TNS3: variants seen among roughly 807,000 people sequenced by gnomAD.
TNS3 encodes tensin-3.
Under a neutral mutation model 140.9 loss-of-function variants are expected in TNS3, and 45 were observed. The ratio of observed to expected loss-of-function variants is 0.32; its 90% CI spans 0.25 to 0.41. The LOEUF (loss-of-function observed/expected upper bound fraction) is 0.41. Ranked by LOEUF, TNS3 falls within the 10% of genes least tolerant of loss-of-function variation. The probability of loss-of-function intolerance (pLI) is 1.00; values close to 1 mark genes in which losing one functional copy is unlikely to be tolerated. For missense variants in TNS3, 1,716 were observed against 1,906.7 expected (o/e 0.90, Z 1.86); for synonymous variants, 815 against 788.4 (o/e 1.03, Z -0.56).
chr7:47,369,191 G>C lies in TNS3; in HGVS notation c.1455C>G (p.His485Gln), dbSNP rs745634291. ...TDILDDEMPHHDLHSVDSLGT... is the reference protein window; with the variant it reads ...TDILDDEMPHQDLHSVDSLGT... The stretch of plus-strand genomic sequence containing the variant: ...CAAGGCTGTCCACACTGTGCAGGTC[G>C]TGGTGGGGCATCTCGTCATCCAGAA... The change falls in exon 17 of 31, where the codon CAC becomes CAG. Residue 485 changes from histidine (H) to glutamine (Q), a missense_variant. Physicochemically the swap from His to Gln is conservative, Grantham distance 24. This residue lies in a region of TNS3 where 1,163 missense variants were observed against 1,182.1 expected (regional missense o/e 0.98). Transcript: ENST00000311160. The C allele has an allele frequency of 1.2e-6, 2 of 1,613,856 alleles. No individual in the cohort carries two copies. The highest frequency in any genetic ancestry group is 1.7e-5 in the Admixed American group (1 of 60,000).
intron 1 of TNS3, among the ~76,000 whole-genome samples, chr7:47,541,948 C>CAAAAAAAAAAAA (rs11314197): frequency 3.8e-5 from 5 of 131,026 alleles, no homozygotes; most frequent in African/African-American, 1.4e-4. Context: ...GACTCCATCT[C>CAAAAAAAAAAAA]AAAAAAAAAA....
chr7:47,507,016 C>G, intron 2 of TNS3, 72 bp from the exon 3 acceptor site: 1 of 1,201,370 alleles, frequency 8.3e-7, no homozygotes, highest in Non-Finnish European at 1.1e-6. Flanking sequence ...ATCTTCAAAC[C>G]CTCTCAATCC....
intron 16 of TNS3, among the ~76,000 whole-genome samples, chr7:47,379,583 C>CTCTT (rs61378516): frequency 0.27 from 41,745 of 151,894 alleles, 6,393 homozygotes; most frequent in African/African-American, 0.42. Context: ...TGCCCTTTTC[C>CTCTT]TCTTTTTTTA....
chr7:47,302,294 C>T (rs1384879924), intron 22 of TNS3, 22 bp from the exon 23 acceptor site: 1 of 1,599,504 alleles, frequency 6.3e-7, no homozygotes, highest in East Asian at 2.2e-5. Context: ...AATTTAAAAA[C>T]AGTGACCATG....
intron 1 of TNS3, among the ~76,000 whole-genome samples, chr7:47,559,888 A>T (rs1429364702): frequency 6.6e-6 from 1 of 152,168 alleles, no homozygotes; most frequent in Non-Finnish European, 1.5e-5. Context: ...AGCCCTGATG[A>T]TCTGATGAAG....
At position 47,330,107 on chromosome 7, in the gene TNS3, C is replaced by G. The variant is rs148036077; in HGVS notation, c.2650+14648G>C. Among the ~76,000 whole-genome samples the G allele has an allele frequency of 3.5e-4, 53 of 152,280 alleles. 1 individual carries two copies. The highest frequency in any genetic ancestry group is 1.2e-3 in the African/African-American group (50 of 41,556). ...GGAAAAAACATTTAAAAATTCTTCC[C>G]GGACAGTCTGCTCCCCCCACCCAAA... On this transcript the variant is annotated intron_variant, in intron 20 of 30. Transcript: ENST00000311160.
chr7:47,451,442 G>A (rs966348846), intron 4 of TNS3, among the ~76,000 whole-genome samples: 14 of 152,102 alleles, frequency 9.2e-5, no homozygotes, highest in Admixed American at 1.3e-4. Context: ...TTAGCCGGGC[G>A]TGGTGGTATG....
Position 47,334,605 on chromosome 7 carries a change from C to CTTTTTTTT in TNS3, c.2650+10142_2650+10149dup, listed in dbSNP as rs386410072. On this transcript the variant is annotated intron_variant, in intron 20 of 30. Transcript: ENST00000311160. ...GCTGAGATGTATCAGAACCACGACT[C>CTTTTTTTT]TTTTTTTTTTTTTTTTTTTTGACAG... 1.7e-5 allele frequency among the ~76,000 whole-genome samples: 2 copies of CTTTTTTTT among 118,770 alleles called. 1 individual carries two copies. Among genetic ancestry groups the CTTTTTTTT allele is most frequent in the Non-Finnish European group, 3.4e-5 (2 of 59,430 alleles). The allele number at this position is 118,770 out of a possible 152,430, so 77.9% of individuals were successfully genotyped here. A position where few individuals can be genotyped will look rare whatever the true frequency, so the allele number is the denominator to read the frequency against.
intron 16 of TNS3, among the ~76,000 whole-genome samples, chr7:47,375,873 G>A (rs1791353429): frequency 1.3e-5 from 2 of 152,288 alleles, no homozygotes; most frequent in Middle Eastern, 3.4e-3. Context: ...AACAGAAGTT[G>A]GTTTGAAGCA....
At chr7:47,581,348 A>T (rs1784528670) in intron 1 of TNS3, 1 of 68,138 alleles carries the variant, frequency 1.5e-5, no homozygotes, top group African/African-American at 5.7e-5. Context: ...CCCCACCCCG[A>T]GGTCCCGTCC....
chr7:47,377,585 A>C (rs991366263), intron 16 of TNS3, among the ~76,000 whole-genome samples: 1 of 152,134 alleles, frequency 6.6e-6, no homozygotes, highest in Non-Finnish European at 1.5e-5. Context: ...ACTGCATGTA[A>C]ATTGCATCTC....
At chr7:47,459,736 A>G (rs776843701) in intron 4 of TNS3, among the ~76,000 whole-genome samples, 1 of 152,188 alleles carries the variant, frequency 6.6e-6, no homozygotes, top group Non-Finnish European at 1.5e-5. Flanking sequence ...TCTGTTCCAT[A>G]ATCAAGACCA....
intron 23 of TNS3, among the ~76,000 whole-genome samples, chr7:47,301,414 C>T (rs1169171822): frequency 6.6e-6 from 1 of 152,190 alleles, no homozygotes; most frequent in East Asian, 1.9e-4. Flanking sequence ...GTACGCTCAG[C>T]TGAGACACAG....
rs185693264 is a variant in TNS3, at chr7:47,338,496, T to C, written c.2650+6259A>G. 6.6e-5 allele frequency among the ~76,000 whole-genome samples: 10 copies of C among 152,310 alleles called. No homozygotes were observed. In the East Asian group the frequency reaches 1.9e-3, roughly 29 times the overall value. On this transcript the variant is annotated intron_variant, in intron 20 of 30. Coordinates refer to ENST00000311160, the MANE Select transcript of TNS3 (RefSeq NM_022748.12). ...CGTCCTCTTCAGTGACATGTCTCTTTTTTTCTTTGAACCATTTTCTAATTT... is the reference window on the plus strand; with the variant it reads ...CGTCCTCTTCAGTGACATGTCTCTTCTTTTCTTTGAACCATTTTCTAATTT...
chr7:47,441,373 T>C (rs1427360878), intron 5 of TNS3, among the ~76,000 whole-genome samples: 1 of 152,146 alleles, frequency 6.6e-6, no homozygotes, highest in East Asian at 1.9e-4. Context: ...AGATGGGGTT[T>C]CACTGTGTTG....
intron 10 of TNS3, among the ~76,000 whole-genome samples, chr7:47,422,896 G>A (rs1794453119): frequency 6.6e-6 from 1 of 151,644 alleles, no homozygotes; most frequent in Admixed American, 6.6e-5. Flanking sequence ...AAAAACCCAA[G>A]TGACTGTTTA....
intron 1 of TNS3, among the ~76,000 whole-genome samples, chr7:47,532,419 A>G (rs531197006): frequency 7.2e-5 from 11 of 152,178 alleles, no homozygotes; most frequent in South Asian, 2.1e-4. Context: ...GAGAGGACAG[A>G]GAGAATGGAG....
At chr7:47,378,529 T>C (rs1361524346) in intron 16 of TNS3, among the ~76,000 whole-genome samples, 1 of 152,158 alleles carries the variant, frequency 6.6e-6, no homozygotes, top group African/African-American at 2.4e-5. Context: ...GTAAAACAGT[T>C]TTCCCATCCC....
At chr7:47,414,121 G>A (rs1417682513) in intron 11 of TNS3, 124 bp from the exon 12 acceptor site, 9 of 992,814 alleles carry the variant, frequency 9.1e-6, no homozygotes, top group African/African-American at 6.5e-5. Context: ...TTTGAGGTCT[G>A]GGAAAGCAGT....
Sources: allele counts gnomAD v4.1 joint callset (sites outside exome capture counted in the v4.1 genomes callset), GRCh38; gene constraint gnomAD v4.1.1; regional missense constraint gnomAD v4.1.1; transcripts MANE v1.5; gene names NCBI Gene and HGNC (gene_info 2026-07-23, HGNC 2026-07-21).